FLVCR2: variants seen among roughly 807,000 people sequenced by gnomAD.
The protein encoded by FLVCR2 is choline/ethanolamine transporter FLVCR2.
A neutral mutation model predicts 48.9 loss-of-function variants in FLVCR2; 38 were observed. The ratio of observed to expected loss-of-function variants is 0.78; its 90% CI spans 0.60 to 1.02. The LOEUF (loss-of-function observed/expected upper bound fraction) is 1.02. Among genes scored for constraint, FLVCR2 ranks in the 50% least tolerant of loss-of-function variants. FLVCR2 has a pLI of 0.00. For missense variants in FLVCR2, 664 were observed against 663.3 expected (o/e 1.00, Z -0.01); for synonymous variants, 255 against 257.0 (o/e 0.99, Z 0.07).
intron 1 of FLVCR2, among the ~76,000 whole-genome samples, chr14:75,607,795 C>T (rs538715068): frequency 4.6e-4 from 70 of 152,022 alleles, no homozygotes; most frequent in African/African-American, 1.6e-3. Flanking sequence ...AAGGGGGGCT[C>T]GGTGTGGTGG....
chr14:75,581,944 G>C (rs893091981), intron 1 of FLVCR2, among the ~76,000 whole-genome samples: 1 of 152,206 alleles, frequency 6.6e-6, no homozygotes, highest in Non-Finnish European at 1.5e-5. Context: ...GGCCTGTGAG[G>C]CTGAAAGGAG....
intron 9 of FLVCR2, among the ~76,000 whole-genome samples, chr14:75,645,866 C>T (rs190721938): frequency 1.4e-5 from 2 of 147,068 alleles, no homozygotes; most frequent in African/African-American, 2.5e-5. Flanking sequence ...TGCAGTGAGC[C>T]GAGATCGCGC....
chr14:75,584,152 A>G (rs1594788350), intron 1 of FLVCR2, among the ~76,000 whole-genome samples: 2 of 152,204 alleles, frequency 1.3e-5, no homozygotes, highest in Non-Finnish European at 2.9e-5. Context: ...AAGGTCCACA[A>G]GGATGTTTTG....
In FLVCR2 at chr14:75,578,663, TC is replaced by T; in HGVS notation, c.-308del. 2.1e-6 allele frequency: 1 copy of T among 474,736 alleles called. No individual in the cohort carries two copies. Among genetic ancestry groups the T allele is most frequent in the South Asian group, 2.2e-5 (1 of 45,554 alleles). The allele number at this position is 474,736 out of a possible 1,614,324, so 29.4% of individuals were successfully genotyped here. On this transcript the variant is annotated 5_prime_UTR_variant, in exon 1 of 10. Transcript: ENST00000238667. ...AGTGGCTGCGCAAGGAGAGAACTTT[TC>T]CTGCACAAGGAACGCCTCGTGGGGA...
intron 9 of FLVCR2, among the ~76,000 whole-genome samples, chr14:75,644,288 G>A (rs1482650753): frequency 6.6e-6 from 1 of 152,142 alleles, no homozygotes; most frequent in African/African-American, 2.4e-5. Context: ...GGACATGCTT[G>A]CGTATATTTT....
chr14:75,645,917 C>CAAAAAA (rs33996926), intron 9 of FLVCR2, among the ~76,000 whole-genome samples: 1 of 93,932 alleles, frequency 1.1e-5, no homozygotes, highest in Non-Finnish European at 2.1e-5. Context: ...GACTCCATCT[C>CAAAAAA]AAAAAAAAAA....
intron 4 of FLVCR2, 150 bp from the exon 5 acceptor site, chr14:75,634,760 C>T: frequency 1.6e-6 from 1 of 644,172 alleles, no homozygotes; most frequent in South Asian, 1.8e-5. Flanking sequence ...CTAGAATTTT[C>T]TCCTAGGCCA....
rs2140059865 is a variant in FLVCR2, at chr14:75,647,630, C to T, written c.*1158C>T. ...CAGATATTCTAAACTTAAAGGGATT[C>T]CCTTTAAACCAACTCAAGCTGATCT... is the stretch of plus-strand genomic sequence containing the variant. On this transcript the variant is annotated 3_prime_UTR_variant, in exon 10 of 10. Coordinates refer to ENST00000238667, the MANE Select transcript of FLVCR2 (RefSeq NM_017791.3). The T allele has an allele frequency of 6.5e-6, 1 of 152,752 alleles. No individual in the cohort carries two copies. Among genetic ancestry groups the T allele is most frequent in the African/African-American group, 2.4e-5 (1 of 41,560 alleles). 9.5% of individuals were successfully genotyped at this position (152,752 alleles called of 1,614,324 possible).
At chr14:75,632,592 A>G (rs758440228) in intron 3 of FLVCR2, 1 of 702,092 alleles carries the variant, frequency 1.4e-6, no homozygotes, top group East Asian at 2.7e-5. Flanking sequence ...CCGGAAGGCT[A>G]TATGAACTGG....
At chr14:75,592,317 C>T (rs1208642021) in intron 1 of FLVCR2, among the ~76,000 whole-genome samples, 1 of 152,020 alleles carries the variant, frequency 6.6e-6, no homozygotes, top group East Asian at 1.9e-4. Context: ...GCTGCTCTGG[C>T]CAGAGCAGCT....
intron 3 of FLVCR2, among the ~76,000 whole-genome samples, chr14:75,633,265 G>T (rs1313515357): frequency 6.6e-6 from 1 of 151,986 alleles, no homozygotes; most frequent in African/African-American, 2.4e-5. Flanking sequence ...GGAAGAGGAG[G>T]GTGTCCAGGA....
chr14:75,639,221 A>G (rs1325919385), intron 5 of FLVCR2, 131 bp from the exon 6 acceptor site: 3 of 730,680 alleles, frequency 4.1e-6, no homozygotes, highest in Admixed American at 2.0e-5. Context: ...TGAAAACAAA[A>G]CAAAACTCCA....
At chr14:75,604,408 G>C in intron 1 of FLVCR2, 1 of 152,188 alleles carries the variant, frequency 6.6e-6, no homozygotes, top group East Asian at 1.9e-4. Context: ...ACAGCATTTA[G>C]ATAGTAGTTT....
chr14:75,579,593 G>A lies in FLVCR2; in HGVS notation c.621G>A (p.Gly207=), dbSNP rs1211990798. ...CCCGCATCGCTTCCGTCTGGTTCGG[G>A]GCTAATGAGGTTTCAACAGCCTGCT... ...MPSRIASVWF[G]ANEVSTACSV... Residue 207 remains glycine, a synonymous_variant, in exon 1 of 10, where the codon GGG becomes GGA. Transcript: ENST00000238667. 2.5e-6 allele frequency: 4 copies of A among 1,613,962 alleles called. No homozygotes were observed. The African/African-American group carries it at 5.3e-5, about 22-fold the overall frequency.
chr14:75,618,338 G>A (rs1207688339), intron 1 of FLVCR2, among the ~76,000 whole-genome samples: 1 of 152,194 alleles, frequency 6.6e-6, no homozygotes, highest in Non-Finnish European at 1.5e-5. Context: ...TAAAAACGGG[G>A]TTGGTACTGG....
intron 1 of FLVCR2, among the ~76,000 whole-genome samples, chr14:75,581,734 TGGGCGG>T (rs1826388540): frequency 6.6e-6 from 1 of 152,152 alleles, no homozygotes; most frequent in African/African-American, 2.4e-5. Flanking sequence ...TTGCCAGTCC[TGGGCGG>T]GGGCAAATCC....
At chr14:75,612,156 A>G (rs1889475275) in intron 1 of FLVCR2, among the ~76,000 whole-genome samples, 1 of 152,136 alleles carries the variant, frequency 6.6e-6, no homozygotes, top group Admixed American at 6.5e-5. Context: ...TGATTCAAAG[A>G]GTATATATAT....
Position 75,579,609 on chromosome 14 carries a change from A to C in FLVCR2, c.637A>C (p.Thr213Pro), listed in dbSNP as rs77057638. The C allele has an allele frequency of 6.2e-7, 1 of 1,614,100 alleles. No homozygotes were observed. Among genetic ancestry groups the C allele is most frequent in the Non-Finnish European group, 8.5e-7 (1 of 1,180,030 alleles). ...CTGGTTCGGGGCTAATGAGGTTTCA[A>C]CAGCCTGCTCCGTGGCTGTCTTTGG... ...SVWFGANEVS[T>P]ACSVAVFGNQ... Residue 213 changes from threonine to proline, a missense_variant, in exon 1 of 10, where the codon ACA (threonine) becomes CCA (proline). By Grantham distance (38) the Thr-to-Pro change is conservative (BLOSUM62 -1). Coordinates refer to ENST00000238667, the MANE Select transcript of FLVCR2 (RefSeq NM_017791.3).
chr14:75,635,211 C>A (rs1890138313), intron 5 of FLVCR2, among the ~76,000 whole-genome samples, 198 bp downstream of exon 5: 1 of 152,252 alleles, frequency 6.6e-6, no homozygotes, highest in African/African-American at 2.4e-5. Context: ...CCCACAGGAT[C>A]TTAGGAAGAT....
Sources: gnomAD v4.1 joint callset for allele counts (sites outside exome capture counted in the v4.1 genomes callset) on GRCh38, gnomAD v4.1.1 for gene constraint, MANE v1.5 for transcripts, NCBI Gene and HGNC (gene_info 2026-07-23, HGNC 2026-07-21) for gene names.